Variants in RARB observed in about 807,000 individuals in gnomAD.
RARB encodes retinoic acid receptor beta.
RARB carries 17 observed loss-of-function variants against 51.9 expected under a neutral mutation model. The observed-to-expected ratio is 0.33, with a 90% CI of 0.22 to 0.49. The LOEUF is 0.49. Among genes scored for constraint, RARB ranks in the 20% least tolerant of loss-of-function variants. The probability of loss-of-function intolerance (pLI) is 0.99; values close to 1 mark genes in which losing one functional copy is unlikely to be tolerated. For missense variants in RARB, 369 were observed against 550.8 expected (o/e 0.67, Z 3.30); for synonymous variants, 215 against 195.4 (o/e 1.10, Z -0.84).
At chr3:25,532,828 C>T (rs1264706214) in intron 3 of RARB, among the ~76,000 whole-genome samples, 1 of 152,106 alleles carries the variant, frequency 6.6e-6, no homozygotes, top group African/African-American at 2.4e-5. Context: ...AGAATTCCTC[C>T]CAGGGAATAC....
intron 5 of RARB, among the ~76,000 whole-genome samples, chr3:25,343,391 T>TA (rs1460801277): frequency 1.3e-5 from 2 of 151,978 alleles, no homozygotes; most frequent in African/African-American, 2.4e-5. Flanking sequence ...TGCATAGTTG[T>TA]AAAAAAGAAG....
At chr3:25,369,170 C>T (rs925373067) in intron 5 of RARB, among the ~76,000 whole-genome samples, 27 of 152,102 alleles carry the variant, frequency 1.8e-4, no homozygotes, top group African/African-American at 6.5e-4. Context: ...CTCAAAAATA[C>T]AGTATACAGT....
chr3:25,596,749 T>C lies in RARB; in HGVS notation c.*133T>C, dbSNP rs190921496. The C allele has an allele frequency of 4.0e-6, 3 of 758,502 alleles. No individual in the cohort carries two copies. The African/African-American group carries it at 5.3e-5, about 13-fold the overall frequency. The allele number at this position is 758,502 out of a possible 1,614,324, so 47.0% of individuals were successfully genotyped here. On this transcript the variant is annotated 3_prime_UTR_variant, in exon 8 of 8. Transcript: ENST00000330688. ...TAAAACTCAAGAAGGACCAAGAAGTTTTCATATGTATCAATATATATACTC... is the reference window on the plus strand; with the variant it reads ...TAAAACTCAAGAAGGACCAAGAAGTCTTCATATGTATCAATATATATACTC...
chr3:25,111,768 G>T (rs1256597989), intron 3 of RARB, among the ~76,000 whole-genome samples: 8 of 151,790 alleles, frequency 5.3e-5, no homozygotes, highest in Admixed American at 2.0e-4. Context: ...TAGTAGAGGT[G>T]GGGTTTCACT....
chr3:25,073,947 C>G (rs1698820718), intron 3 of RARB, among the ~76,000 whole-genome samples: 1 of 152,104 alleles, frequency 6.6e-6, no homozygotes, highest in Non-Finnish European at 1.5e-5. Context: ...GTAAATCACG[C>G]TTTTATCCAT....
At chr3:25,126,479 A>T (rs1170666757) in intron 3 of RARB, among the ~76,000 whole-genome samples, 1 of 151,984 alleles carries the variant, frequency 6.6e-6, no homozygotes, top group South Asian at 2.1e-4. Context: ...CTAAACAAGC[A>T]TGGTGCTTTT....
At chr3:24,980,698 A>G (rs535462958) in intron 2 of RARB, among the ~76,000 whole-genome samples, 1 of 152,116 alleles carries the variant, frequency 6.6e-6, no homozygotes, top group East Asian at 1.9e-4. Flanking sequence ...CTTCTTTATG[A>G]TGGGTTAGAA....
At chr3:25,528,567 C>G (rs1698756806) in intron 3 of RARB, among the ~76,000 whole-genome samples, 1 of 151,906 alleles carries the variant, frequency 6.6e-6, no homozygotes, top group South Asian at 2.1e-4. Context: ...CCCCTCCTGC[C>G]ATGTGATTCA....
chr3:25,421,258 G>A (rs894067735), intron 5 of RARB, among the ~76,000 whole-genome samples: 1 of 152,064 alleles, frequency 6.6e-6, no homozygotes, highest in African/African-American at 2.4e-5. Context: ...CCCTCCACCT[G>A]CAGCCTGAAA....
At chr3:25,026,769 T>C (rs551066618) in intron 2 of RARB, among the ~76,000 whole-genome samples, 1 of 152,324 alleles carries the variant, frequency 6.6e-6, no homozygotes, top group East Asian at 1.9e-4. Context: ...TGCCCAATTT[T>C]TGTGGTATAA....
At chr3:24,919,297 T>C (rs1695168636) in intron 2 of RARB, among the ~76,000 whole-genome samples, 1 of 152,236 alleles carries the variant, frequency 6.6e-6, no homozygotes, top group African/African-American at 2.4e-5. Context: ...TTAAATTAAG[T>C]TTAGCCTAAA....
At chr3:25,345,250 G>T (rs1705353446) in intron 5 of RARB, among the ~76,000 whole-genome samples, 1 of 152,104 alleles carries the variant, frequency 6.6e-6, no homozygotes, top group Non-Finnish European at 1.5e-5. Flanking sequence ...TTGTTTGTTT[G>T]TTTGTTTTTT....
intron 2 of RARB, among the ~76,000 whole-genome samples, chr3:24,908,669 T>TG (rs985527411): frequency 2.1e-5 from 3 of 144,994 alleles, no homozygotes; most frequent in African/African-American, 7.6e-5. Flanking sequence ...AACTGTTTTT[T>TG]TTTTTTTTTT....
At chr3:25,207,535 G>C (rs527580751) in intron 5 of RARB, among the ~76,000 whole-genome samples, 3 of 152,086 alleles carry the variant, frequency 2.0e-5, no homozygotes, top group Admixed American at 6.6e-5. Context: ...ATGATAACTA[G>C]TAAAATTACA....
At chr3:25,183,224 C>G (rs993328939) in intron 5 of RARB, among the ~76,000 whole-genome samples, 1 of 152,142 alleles carries the variant, frequency 6.6e-6, no homozygotes, top group Non-Finnish European at 1.5e-5. Flanking sequence ...TCTTTTCCTA[C>G]TTCATGTGGC....
intron 3 of RARB, among the ~76,000 whole-genome samples, chr3:25,124,576 C>G (rs773955945): frequency 1.3e-5 from 2 of 152,148 alleles, no homozygotes; most frequent in Admixed American, 1.3e-4. Flanking sequence ...ATGACTGTTA[C>G]AGAATTCTTT....
chr3:24,838,810 C>A (rs1027085403), intron 1 of RARB, among the ~76,000 whole-genome samples: 1 of 152,030 alleles, frequency 6.6e-6, no homozygotes, highest in African/African-American at 2.4e-5. Flanking sequence ...GCAGCCCTAA[C>A]TTAGCTCCAG....
intron 5 of RARB, among the ~76,000 whole-genome samples, chr3:25,338,947 G>A (rs114025025): frequency 1.3e-5 from 2 of 152,086 alleles, no homozygotes; most frequent in East Asian, 3.9e-4. Flanking sequence ...GAACAGTTGA[G>A]ATCCATTCTG....
intron 2 of RARB, among the ~76,000 whole-genome samples, chr3:25,491,592 T>A (rs1187816209): frequency 6.6e-6 from 1 of 152,218 alleles, no homozygotes; most frequent in Non-Finnish European, 1.5e-5. Flanking sequence ...CTGGACTGAC[T>A]ACATAATTTG....
Sources: allele counts gnomAD v4.1 joint callset (sites outside exome capture counted in the v4.1 genomes callset), GRCh38; gene constraint gnomAD v4.1.1; transcripts MANE v1.5; gene names NCBI Gene and HGNC (gene_info 2026-07-23, HGNC 2026-07-21).